Variants in SENP7 observed in about 807,000 individuals in gnomAD.
SENP7 encodes the protein sentrin-specific protease 7.
SENP7 carries 64 observed loss-of-function variants against 141.2 expected under a neutral mutation model. The observed-to-expected ratio is 0.45, with a 90% CI of 0.37 to 0.56. The LOEUF is 0.56. Ranked by LOEUF, SENP7 falls within the 20% of genes least tolerant of loss-of-function variation. The probability of loss-of-function intolerance (pLI) is 0.00; values close to 1 mark genes in which losing one functional copy is unlikely to be tolerated. For missense variants in SENP7, 1,025 were observed against 1,212.2 expected, an observed-to-expected ratio of 0.85 and a Z score of 2.29; for synonymous variants, 382 against 426.4, an observed-to-expected ratio of 0.90 and a Z score of 1.28.
chr3:101,408,082 G>C (rs2061354491), intron 5 of SENP7, among the ~76,000 whole-genome samples: 1 of 151,954 alleles, frequency 6.6e-6, no homozygotes, highest in South Asian at 2.1e-4. Context: ...AGCTCAATAA[G>C]AAACAAAACG....
chr3:101,508,707 G>A (rs1015509972), intron 1 of SENP7, among the ~76,000 whole-genome samples: 2 of 152,116 alleles, frequency 1.3e-5, no homozygotes, highest in Non-Finnish European at 2.9e-5. Flanking sequence ...CTTCCTCACT[G>A]CCACTAAATC....
At chr3:101,346,873 A>T (rs1357249273) in intron 13 of SENP7, among the ~76,000 whole-genome samples, 3 of 151,918 alleles carry the variant, frequency 2.0e-5, no homozygotes, top group Non-Finnish European at 4.4e-5. Flanking sequence ...TATGTAATCA[A>T]ATACCACCGG....
intron 5 of SENP7, among the ~76,000 whole-genome samples, chr3:101,403,495 G>A (rs722476): frequency 0.4 from 60,357 of 151,970 alleles, 12,502 homozygotes; most frequent in Admixed American, 0.54. Context: ...ACCTGGGCCT[G>A]TTATCTTTGG....
At chr3:101,348,834 G>A (rs978148121) in intron 12 of SENP7, among the ~76,000 whole-genome samples, 1 of 151,296 alleles carries the variant, frequency 6.6e-6, no homozygotes, top group Non-Finnish European at 1.5e-5. Flanking sequence ...AAGTCCTGAA[G>A]GTCACTTAGT....
chr3:101,378,929 C>A (rs1047903037), intron 6 of SENP7, among the ~76,000 whole-genome samples: 4 of 151,856 alleles, frequency 2.6e-5, no homozygotes, highest in Non-Finnish European at 5.9e-5. Flanking sequence ...AAAAACCTAC[C>A]AATAAATAAA....
chr3:101,409,342 A>C (rs145940345), intron 5 of SENP7, among the ~76,000 whole-genome samples: 1 of 152,244 alleles, frequency 6.6e-6, no homozygotes, highest in Non-Finnish European at 1.5e-5. Flanking sequence ...TAGAATCAAT[A>C]TTGTGAAAAT....
At chr3:101,441,808 C>G (rs1167264105) in intron 4 of SENP7, among the ~76,000 whole-genome samples, 1 of 152,200 alleles carries the variant, frequency 6.6e-6, no homozygotes, top group Non-Finnish European at 1.5e-5. Context: ...ACTATTGTAC[C>G]TGTCCCCAGT....
Position 101,347,902 on chromosome 3 carries a change from G to A in SENP7, c.1807C>T (p.Gln603Ter), listed in dbSNP as rs1349337766. The A allele has an allele frequency of 6.3e-7, 1 of 1,593,390 alleles. No individual in the cohort carries two copies. The highest frequency in any genetic ancestry group is 2.3e-5 in the East Asian group (1 of 44,418). Residue 603 changes from glutamine to a stop codon, truncating the protein, a stop_gained, in exon 13 of 24, where the codon CAA becomes TAA. Coordinates refer to ENST00000394095, the MANE Select transcript of SENP7 (RefSeq NM_020654.5). LOFTEE classifies it high-confidence loss of function. ...TGGCTTAATACAGAGTGTTCTAATT[G>A]GGTCTGAATCTCTTGAAGATAATCT... ...SSDYLQEIQT[Q>*]LEHSVLSQQS...
intron 4 of SENP7, among the ~76,000 whole-genome samples, chr3:101,438,316 T>A (rs142450100): frequency 6.6e-6 from 1 of 152,246 alleles, no homozygotes; most frequent in African/African-American, 2.4e-5. Flanking sequence ...TTAAGCTAAG[T>A]GAAATTAGCT....
intron 5 of SENP7, among the ~76,000 whole-genome samples, chr3:101,407,930 G>A (rs1030887267): frequency 1.3e-5 from 2 of 151,802 alleles, no homozygotes; most frequent in African/African-American, 4.8e-5. Flanking sequence ...AAACAAGCAA[G>A]ATCAGAGCAG....
At chr3:101,433,591 T>C (rs1467370358) in intron 4 of SENP7, among the ~76,000 whole-genome samples, 7 of 151,836 alleles carry the variant, frequency 4.6e-5, no homozygotes, top group African/African-American at 1.5e-4. Context: ...TCCATTCCAA[T>C]GAAAACCAAA....
chr3:101,482,327 A>G (rs1005911641), intron 3 of SENP7, among the ~76,000 whole-genome samples: 2 of 152,080 alleles, frequency 1.3e-5, no homozygotes, highest in African/African-American at 4.8e-5. Flanking sequence ...AAAAAAAAAA[A>G]AAGAAAGAAA....
chr3:101,497,839 G>C (rs542706701), intron 2 of SENP7, among the ~76,000 whole-genome samples: 1 of 152,196 alleles, frequency 6.6e-6, no homozygotes, highest in East Asian at 1.9e-4. Context: ...GTCTCACTCT[G>C]TTATCCAGGC....
At chr3:101,386,424 C>A (rs2176887) in intron 6 of SENP7, among the ~76,000 whole-genome samples, 1 of 152,094 alleles carries the variant, frequency 6.6e-6, no homozygotes. Context: ...CACTGTTCAA[C>A]AGGGAGAGAT....
chr3:101,443,990 C>T, intron 4 of SENP7, among the ~76,000 whole-genome samples: 1 of 149,018 alleles, frequency 6.7e-6, no homozygotes, highest in Non-Finnish European at 1.5e-5. Flanking sequence ...GCAACCTACT[C>T]ATCTGACAAA....
Position 101,470,478 on chromosome 3 carries a change from C to T in SENP7, c.187-11426G>A, listed in dbSNP as rs538781448. Among the ~76,000 whole-genome samples, 12 of 152,040 alleles carry T rather than the reference C, an allele frequency of 7.9e-5. 1 individual carries two copies. Among genetic ancestry groups the T allele is most frequent in the Admixed American group, 6.6e-5 (1 of 15,262 alleles). ...CTTCATGCCAAAAACTCTCAATAAA[C>T]GAGGTATCAATGGAACGTATCTCAA... On this transcript the variant is annotated intron_variant, in intron 3 of 23. Coordinates refer to ENST00000394095, the MANE Select transcript of SENP7 (RefSeq NM_020654.5).
At chr3:101,447,836 T>C (rs1046140136) in intron 4 of SENP7, among the ~76,000 whole-genome samples, 2 of 152,022 alleles carry the variant, frequency 1.3e-5, no homozygotes, top group Admixed American at 1.3e-4. Flanking sequence ...TTTCAAAACT[T>C]ACTACAAAGT....
Position 101,486,489 on chromosome 3 carries a change from C to T in SENP7, c.186+7384G>A, listed in dbSNP as rs180912452. ...AACAAACAATTATCAGACAAGAATT[C>T]TGTATCCAACGAAAGTAAGTATCAT... On this transcript the variant is annotated intron_variant, in intron 3 of 23. Coordinates refer to ENST00000394095, the MANE Select transcript of SENP7 (RefSeq NM_020654.5). Among the ~76,000 whole-genome samples, 33 of 152,306 alleles carry T rather than the reference C, an allele frequency of 2.2e-4. No homozygotes were observed. The East Asian group carries it at 6.4e-3, about 29-fold the overall frequency.
chr3:101,392,959 G>A (rs1422387395), intron 6 of SENP7, among the ~76,000 whole-genome samples: 2 of 152,110 alleles, frequency 1.3e-5, no homozygotes, highest in Non-Finnish European at 2.9e-5. Flanking sequence ...CTACAGTCTG[G>A]ATGACAAAGC....
Sources: allele counts gnomAD v4.1 joint callset (sites outside exome capture counted in the v4.1 genomes callset), GRCh38; gene constraint gnomAD v4.1.1; transcripts MANE v1.5; gene names NCBI Gene and HGNC (gene_info 2026-07-23, HGNC 2026-07-21).